Variants in MAP4 observed in about 807,000 individuals in gnomAD.
MAP4 encodes microtubule associated protein 4.
Under a neutral mutation model 170.2 loss-of-function variants are expected in MAP4, and 76 were observed. The ratio of observed to expected loss-of-function variants is 0.45; its 90% CI spans 0.37 to 0.54. The LOEUF is 0.54. Ranked by LOEUF, MAP4 falls within the 20% of genes least tolerant of loss-of-function variation. MAP4 has a pLI of 0.00. For synonymous variants in MAP4, 909 were observed against 994.5 expected (o/e 0.91, Z 1.62); for missense variants, 2,506 against 2,748.0 (o/e 0.91, Z 1.97).
Position 47,964,817 on chromosome 3 carries a change from A to G in MAP4, c.292+13048T>C, listed in dbSNP as rs1190848430. 3.3e-5 allele frequency among the ~76,000 whole-genome samples: 5 copies of G among 152,328 alleles called. No individual in the cohort carries two copies. In the East Asian group the frequency reaches 7.7e-4, roughly 23 times the overall value. On this transcript the variant is annotated intron_variant, in intron 3 of 20. Transcript: ENST00000683076. ...TGAAGAGATCTGTGATATGATGGTT[A>G]ATTTGAAATTTTTTTCCCTTTAAAT...
At chr3:47,914,777 T>G (rs1294647748) in intron 8 of MAP4, 40 bp downstream of exon 8, 1 of 1,613,168 alleles carries the variant, frequency 6.2e-7, no homozygotes, top group Middle Eastern at 1.6e-4. Flanking sequence ...CTATCGCCCC[T>G]AATTTGTTTC....
intron 1 of MAP4, among the ~76,000 whole-genome samples, chr3:48,031,893 AC>A (rs1304371458): frequency 6.8e-5 from 10 of 146,162 alleles, no homozygotes; most frequent in Admixed American, 5.5e-4. Context: ...ACACACACAT[AC>A]ACACACACAC....
intron 17 of MAP4, among the ~76,000 whole-genome samples, chr3:47,861,353 CTTTTT>C (rs35553466): frequency 7.6e-6 from 1 of 132,322 alleles, no homozygotes; most frequent in Admixed American, 7.6e-5. Flanking sequence ...GAGACTCCGT[CTTTTT>C]TTTTTTTTTT....
At chr3:47,902,858 G>A (rs2100030888) in intron 10 of MAP4, 92 bp downstream of exon 10, 1 of 440,594 alleles carries the variant, frequency 2.3e-6, no homozygotes, top group Non-Finnish European at 3.0e-6. Context: ...TTCATCTGCT[G>A]AGCATATTTT....
At chr3:47,964,027 C>T (rs1320064926) in intron 3 of MAP4, among the ~76,000 whole-genome samples, 1 of 152,156 alleles carries the variant, frequency 6.6e-6, no homozygotes, top group East Asian at 1.9e-4. Flanking sequence ...GTTCAAGGAA[C>T]AGTAGCAAGA....
chr3:47,910,590 AT>A lies in MAP4; in HGVS notation c.3830del (p.Asp1277ValfsTer30). On this transcript the variant is annotated frameshift_variant, in exon 9 of 21. Coordinates refer to ENST00000683076, the MANE Select transcript of MAP4 (RefSeq NM_001385682.1). LOFTEE classifies it high-confidence loss of function. The part of the protein sequence containing the change: ...MHDSSFSHTP[D>X]TPTVEAVDRK... Reference sequence around the variant, plus strand: ...TGTCAACTGCTTCCACTGTGGGTGTATCTGGTGTATGTGAGAACGAAGAATC... The same window carrying A: ...TGTCAACTGCTTCCACTGTGGGTGTACTGGTGTATGTGAGAACGAAGAATC... The A allele has an allele frequency of 6.5e-7, 1 of 1,536,088 alleles. No homozygotes were observed. Among genetic ancestry groups the A allele is most frequent in the Middle Eastern group, 1.7e-4 (1 of 5,990 alleles).
At chr3:47,990,627 G>A in intron 2 of MAP4, among the ~76,000 whole-genome samples, 1 of 152,100 alleles carries the variant, frequency 6.6e-6, no homozygotes, top group East Asian at 1.9e-4. Context: ...TTCCATAAAT[G>A]TGCTATTTGT....
intron 1 of MAP4, among the ~76,000 whole-genome samples, chr3:48,077,446 CAAAAAA>C (rs946132735): frequency 5.6e-5 from 4 of 70,856 alleles, no homozygotes; most frequent in Admixed American, 1.5e-4. Flanking sequence ...AACTCAGTCT[CAAAAAA>C]AAAAAAAAGA....
chr3:47,975,589 T>C (rs1265031466), intron 3 of MAP4: 1 of 732,860 alleles, frequency 1.4e-6, no homozygotes, highest in Non-Finnish European at 2.5e-6. Flanking sequence ...AAGCTATTAA[T>C]GAAGCTGGTT....
intron 2 of MAP4, among the ~76,000 whole-genome samples, chr3:47,982,176 CATA>C (rs2100085786): frequency 6.6e-6 from 1 of 152,108 alleles, no homozygotes; most frequent in Admixed American, 6.5e-5. Flanking sequence ...TTAAAAAAAA[CATA>C]ATACATGCAA....
At chr3:48,009,392 C>T (rs1485642564) in intron 1 of MAP4, among the ~76,000 whole-genome samples, 1 of 152,202 alleles carries the variant, frequency 6.6e-6, no homozygotes, top group Non-Finnish European at 1.5e-5. Flanking sequence ...TGAGCCACCG[C>T]ACCCAGCTGA....
At chr3:47,988,213 G>C (rs1341879953) in intron 2 of MAP4, among the ~76,000 whole-genome samples, 1 of 149,724 alleles carries the variant, frequency 6.7e-6, no homozygotes, top group Non-Finnish European at 1.5e-5. Context: ...AAAAAAGAAA[G>C]CAAAGCAAAA....
intron 1 of MAP4, among the ~76,000 whole-genome samples, chr3:48,003,719 T>C (rs1373444829): frequency 1.3e-5 from 2 of 152,102 alleles, no homozygotes; most frequent in Non-Finnish European, 2.9e-5. Flanking sequence ...ATCAACTTGA[T>C]TGGAATAAAG....
At chr3:48,063,094 A>C (rs2100136699) in intron 1 of MAP4, among the ~76,000 whole-genome samples, 1 of 151,982 alleles carries the variant, frequency 6.6e-6, no homozygotes, top group African/African-American at 2.4e-5. Context: ...AATAATTCTG[A>C]CAACCGTGGT....
intron 2 of MAP4, among the ~76,000 whole-genome samples, chr3:47,992,974 A>G (rs897744757): frequency 4.6e-5 from 7 of 152,122 alleles, no homozygotes; most frequent in African/African-American, 1.7e-4. Flanking sequence ...TGAAGCACTA[A>G]AAAGGATAAA....
At chr3:47,908,942 T>G in intron 9 of MAP4, 96 bp downstream of exon 9, 1 of 1,268,418 alleles carries the variant, frequency 7.9e-7, no homozygotes, top group Non-Finnish European at 1.1e-6. Context: ...ACAAGGATGA[T>G]TAGAGTCTGG....
intron 10 of MAP4, among the ~76,000 whole-genome samples, chr3:47,888,570 C>T (rs2098048079): frequency 6.6e-6 from 1 of 152,100 alleles, no homozygotes; most frequent in Non-Finnish European, 1.5e-5. Context: ...ACTCCGAACA[C>T]ATCTGAACAT....
intron 1 of MAP4, among the ~76,000 whole-genome samples, chr3:48,002,985 A>AT (rs1463996732): frequency 8.6e-5 from 13 of 151,348 alleles, no homozygotes; most frequent in African/African-American, 3.1e-4. Context: ...AAATAAATAA[A>AT]TAAATAAATT....
intron 2 of MAP4, 114 bp from the exon 3 acceptor site, chr3:47,978,047 A>T: frequency 1.5e-6 from 1 of 678,842 alleles, no homozygotes. Context: ...AGGTTAAAGC[A>T]ATTAAAAACT....
Sources: gnomAD v4.1 joint callset for allele counts (sites outside exome capture counted in the v4.1 genomes callset) on GRCh38, gnomAD v4.1.1 for gene constraint, MANE v1.5 for transcripts, NCBI Gene and HGNC (gene_info 2026-07-23, HGNC 2026-07-21) for gene names.